Variants in SPEG observed in about 807,000 individuals in gnomAD.
The protein encoded by SPEG is striated muscle enriched protein kinase.
SPEG carries 114 observed loss-of-function variants against 300.4 expected under a neutral mutation model. The ratio of observed to expected loss-of-function variants is 0.38; its 90% confidence interval spans 0.33 to 0.44. The LOEUF is 0.44. Among genes scored for constraint, SPEG ranks in the 20% least tolerant of loss-of-function variants. The pLI is 1.00. For synonymous variants in SPEG, 1,964 were observed against 2,018.9 expected (o/e 0.97, Z 0.73); for missense variants, 4,201 against 4,586.2 (o/e 0.92, Z 2.43).
At chr2:219,437,872 T>C (rs1207947857) in intron 1 of SPEG, among the ~76,000 whole-genome samples, 1 of 152,144 alleles carries the variant, frequency 6.6e-6, no homozygotes, top group Non-Finnish European at 1.5e-5. Flanking sequence ...TGGAAAACTT[T>C]CTTGGTTGGA....
rs1166862968 is a variant in SPEG at position 219,458,915 on chromosome 2, C to T, written c.2441-2967C>T. Among the ~76,000 whole-genome samples the T allele has an allele frequency of 6.6e-6, 1 of 152,168 alleles. No homozygotes were observed. The highest frequency in any genetic ancestry group is 1.5e-5 in the Non-Finnish European group (1 of 68,026). On this transcript the variant is annotated intron_variant, in intron 6 of 40. Coordinates refer to ENST00000312358, the MANE Select transcript of SPEG (RefSeq NM_005876.5). This position sits in a 1 kb window ranked among gnomAD's most constrained non-coding sequence, Gnocchi z 4.2. ...GTAGGTCAAGTAACATTCTGAGAAG[C>T]CCTGAAGCAAAGGGCTGTGTGCGAC...
chr2:219,453,978 GT>G (rs1318120674), intron 6 of SPEG, among the ~76,000 whole-genome samples: 1 of 152,226 alleles, frequency 6.6e-6, no homozygotes, highest in Non-Finnish European at 1.5e-5. Flanking sequence ...CGTAGGCCTG[GT>G]GGGGAGCAGG....
intron 6 of SPEG, among the ~76,000 whole-genome samples, chr2:219,455,133 C>T (rs1046393232): frequency 4.6e-5 from 7 of 152,162 alleles, no homozygotes; most frequent in Non-Finnish European, 1.0e-4. Flanking sequence ...AATACATGAC[C>T]AGGTAGCACT....
chr2:219,492,054 G>T, intron 39 of SPEG, 57 bp from the exon 40 acceptor site: 1 of 1,561,064 alleles, frequency 6.4e-7, no homozygotes. Context: ...ATGTCCTTCT[G>T]GGTCTGGGTG....
At chr2:219,449,457 G>A (rs765159819) in intron 4 of SPEG, among the ~76,000 whole-genome samples, 186 bp downstream of exon 4, 10 of 152,240 alleles carry the variant, frequency 6.6e-5, no homozygotes, top group Non-Finnish European at 1.3e-4. Context: ...GATTGTCAAA[G>A]TCCTTGTGCT....
At chr2:219,483,022 A>G (rs1693002612) in intron 29 of SPEG, 76 bp from the exon 30 acceptor site, 1 of 1,498,896 alleles carries the variant, frequency 6.7e-7, no homozygotes, top group Non-Finnish European at 9.1e-7. Context: ...CCTCTTCCCC[A>G]GGGCTGAGGT....
chr2:219,457,759 C>T (rs1297186696), intron 6 of SPEG, among the ~76,000 whole-genome samples: 2 of 152,236 alleles, frequency 1.3e-5, no homozygotes, highest in Non-Finnish European at 2.9e-5. Flanking sequence ...ACAGTGGATG[C>T]TCCACTCCTT....
Position 219,490,943 on chromosome 2 carries a change from G to A in SPEG, c.9372G>A (p.Thr3124=), listed in dbSNP as rs893999042. The change falls in exon 38 of 41, where the codon ACG becomes ACA. Residue 3124 remains threonine, a synonymous_variant. Transcript: ENST00000312358. The part of the protein sequence containing the change: ...ALRPLGHRTG[T]LEFMAPEMVK... The stretch of plus-strand genomic sequence containing the variant: ...GGCCCCTTGGCCACCGCACGGGCAC[G>A]CTGGAGTTCATGGGTGAGGGGACCA... 24 of 1,612,294 alleles carry A rather than the reference G, an allele frequency of 1.5e-5. No homozygotes were observed. Among genetic ancestry groups the A allele is most frequent in the African/African-American group, 2.7e-5 (2 of 74,922 alleles).
chr2:219,471,880 A>G lies in SPEG; in HGVS notation c.3728A>G (p.His1243Arg). ...DRRMTQYRDV[H>R]RLVFPAVGPQ... is the part of the protein sequence containing the mutation. The stretch of plus-strand genomic sequence containing the variant: ...CCTCCCCTCCCAGACAGGGATGTCC[A>G]TCGCTTGGTGTTCCCTGCCGTGGGG... Residue 1243 changes from histidine to arginine, a missense_variant, in exon 14 of 41, where the codon CAT becomes CGT. His to Arg is a conservative substitution (Grantham distance 29, BLOSUM62 0). Around this residue, in one of 4 missense-constraint regions of SPEG, gnomAD observed 1,047 missense variants for 1,356.8 expected, o/e 0.77. Coordinates refer to ENST00000312358, the MANE Select transcript of SPEG (RefSeq NM_005876.5). 6.2e-7 allele frequency: 1 copy of G among 1,614,032 alleles called. No homozygotes were observed. Among genetic ancestry groups the G allele is most frequent in the Non-Finnish European group, 8.5e-7 (1 of 1,179,990 alleles).
Position 219,464,601 on chromosome 2 carries a change from G to A in SPEG, c.2874G>A (p.Glu958=), listed in dbSNP as rs774400051. ...CTCGGCAGTGCGAGGCCCGCTTGGA[G>A]GTCCGAGGTGAGTACCTGATTTCTC... The part of the protein sequence containing the change: ...YGARQCEARL[E]VRAHPESRSL... Residue 958 remains glutamate (E), a synonymous_variant, in exon 9 of 41, where the codon GAG becomes GAA. Transcript: ENST00000312358. This position sits in a 1 kb window ranked among gnomAD's most constrained non-coding sequence, Gnocchi z 4.5. 4 of 1,613,880 alleles carry A rather than the reference G, an allele frequency of 2.5e-6. No individual in the cohort carries two copies. Among genetic ancestry groups the A allele is most frequent in the African/African-American group, 1.3e-5 (1 of 75,058 alleles).
At position 219,483,830 on chromosome 2, in the gene SPEG, CG is replaced by C; in HGVS notation, c.6371del (p.Gly2124AlafsTer115). The C allele has an allele frequency of 1.9e-6, 3 of 1,584,136 alleles. No individual in the cohort carries two copies. ...APHHQPPLEN[R>X]GLQKSSSFSQ... ...CCACCACCAGCCCCCACTCGAGAAC[CG>C]GGGCCTGCAAAAGAGCAGCAGCTTC... On this transcript the variant is annotated frameshift_variant, in exon 30 of 41. Coordinates refer to ENST00000312358, the MANE Select transcript of SPEG (RefSeq NM_005876.5). LOFTEE classifies it high-confidence loss of function.
chr2:219,439,570 T>G lies in SPEG; in HGVS notation c.388+4205T>G, dbSNP rs560069239. Among the ~76,000 whole-genome samples, 119 of 152,190 alleles carry G rather than the reference T, an allele frequency of 7.8e-4. 1 individual carries two copies. In the South Asian group the frequency reaches 0.013, roughly 17 times the overall value. The stretch of plus-strand genomic sequence containing the variant: ...TCTGGTTGGAGGGAAATGCTGGCAG[T>G]GCAGAAATTGGAAGTCTGGGTTTGG... On this transcript the variant is annotated intron_variant, in intron 1 of 40. Transcript: ENST00000312358. The surrounding 1 kb of genome is among the most constrained non-coding windows in gnomAD (Gnocchi z 4.5).
intron 18 of SPEG, 138 bp from the exon 19 acceptor site, chr2:219,476,731 TG>T: frequency 2.3e-6 from 1 of 442,646 alleles, no homozygotes; most frequent in Admixed American, 5.3e-5. Context: ...GGGTGGGGGG[TG>T]GTGGCTTGCA....
chr2:219,467,100 C>A, intron 9 of SPEG, 74 bp from the exon 10 acceptor site: 2 of 1,456,420 alleles, frequency 1.4e-6, no homozygotes, highest in Non-Finnish European at 1.8e-6. Flanking sequence ...TCTCTCTGTG[C>A]GTGCGTATGT....
At chr2:219,457,402 A>G (rs771143759) in intron 6 of SPEG, among the ~76,000 whole-genome samples, 4 of 152,082 alleles carry the variant, frequency 2.6e-5, no homozygotes, top group Admixed American at 6.5e-5. Context: ...GGCCAACATA[A>G]TGAAACCCCG....
chr2:219,435,534 C>T (rs1316574081), intron 1 of SPEG, among the ~76,000 whole-genome samples, 169 bp downstream of exon 1: 1 of 152,210 alleles, frequency 6.6e-6, no homozygotes, highest in Non-Finnish European at 1.5e-5. Context: ...GAGCCAAGTG[C>T]AGGGAATGGG....
At chr2:219,461,840 T>C in intron 6 of SPEG, 42 bp from the exon 7 acceptor site, 2 of 1,594,040 alleles carry the variant, frequency 1.3e-6, no homozygotes, top group Non-Finnish European at 1.7e-6. Flanking sequence ...CCAGGCTCTC[T>C]GCTCGCCTTC....
Position 219,443,576 on chromosome 2 carries a change from A to G in SPEG, c.389-1077A>G. Reference sequence around the variant, plus strand: ...ACTGGGCATTTTTGAGGACGATTCAACAGTAGAAGGGAGGGACCTTGAGGA... The same window carrying G: ...ACTGGGCATTTTTGAGGACGATTCAGCAGTAGAAGGGAGGGACCTTGAGGA... On this transcript the variant is annotated intron_variant, in intron 1 of 40. Coordinates refer to ENST00000312358, the MANE Select transcript of SPEG (RefSeq NM_005876.5). The surrounding 1 kb of genome is among the most constrained non-coding windows in gnomAD (Gnocchi z 4.6). The G allele has an allele frequency of 3.5e-6, 1 of 286,240 alleles. No individual in the cohort carries two copies. Among genetic ancestry groups the G allele is most frequent in the Non-Finnish European group, 6.8e-6 (1 of 146,030 alleles). The allele number at this position is 286,240 out of a possible 1,614,324, so 17.7% of individuals were successfully genotyped here. A position where few individuals can be genotyped will look rare whatever the true frequency, so the allele number is the denominator to read the frequency against.
At position 219,458,689 on chromosome 2, in the gene SPEG, T is replaced by G. The variant is rs370001480; in HGVS notation, c.2441-3193T>G. ...GGTTGAATGGCCCAGTGAAGGGGGCTTAGTGATACCACCTCTTAGGGCTGT... is the reference window on the plus strand; with the variant it reads ...GGTTGAATGGCCCAGTGAAGGGGGCGTAGTGATACCACCTCTTAGGGCTGT... On this transcript the variant is annotated intron_variant, in intron 6 of 40. Coordinates refer to ENST00000312358, the MANE Select transcript of SPEG (RefSeq NM_005876.5). The surrounding 1 kb of genome is among the most constrained non-coding windows in gnomAD (Gnocchi z 4.2). Among the ~76,000 whole-genome samples, 5 of 152,306 alleles carry G rather than the reference T, an allele frequency of 3.3e-5. No individual in the cohort carries two copies. The South Asian group carries it at 1.0e-3, about 32-fold the overall frequency.
Sources: allele counts gnomAD v4.1 joint callset (sites outside exome capture counted in the v4.1 genomes callset), GRCh38; gene constraint gnomAD v4.1.1; regional missense constraint gnomAD v4.1.1; non-coding constraint Gnocchi (gnomAD v3.1); transcripts MANE v1.5; gene names NCBI Gene and HGNC (gene_info 2026-07-23, HGNC 2026-07-21).